GRM7: variants seen among roughly 807,000 people sequenced by gnomAD.
GRM7 encodes the protein glutamate metabotropic receptor 7.
Under a neutral mutation model 84.5 loss-of-function variants are expected in GRM7, and 35 were observed. The observed-to-expected ratio is 0.41, with a 90% CI of 0.32 to 0.55. The LOEUF (loss-of-function observed/expected upper bound fraction) is 0.55. Ranked by LOEUF, GRM7 falls within the 20% of genes least tolerant of loss-of-function variation. The pLI is 0.19. For missense variants in GRM7, 1,003 were observed against 1,194.6 expected (o/e 0.84, Z 2.36); for synonymous variants, 487 against 455.1 (o/e 1.07, Z -0.89).
chr3:7,585,034 A>G (rs1039349299), intron 8 of GRM7, among the ~76,000 whole-genome samples: 1 of 152,182 alleles, frequency 6.6e-6, no homozygotes, highest in Non-Finnish European at 1.5e-5. Context: ...ATTTTAAAAC[A>G]AAACTCCATA....
chr3:6,948,578 G>A (rs1285543888), intron 1 of GRM7, among the ~76,000 whole-genome samples: 1 of 152,118 alleles, frequency 6.6e-6, no homozygotes, highest in African/African-American at 2.4e-5. Flanking sequence ...GGTCCGCTTG[G>A]TGCAGAGCTG....
At chr3:7,524,376 G>C (rs1164366907) in intron 7 of GRM7, among the ~76,000 whole-genome samples, 2 of 131,258 alleles carry the variant, frequency 1.5e-5, no homozygotes, top group African/African-American at 6.3e-5. Flanking sequence ...CTGACAAAGG[G>C]CTAATATCCA....
At chr3:7,247,158 A>C (rs565098837) in intron 2 of GRM7, among the ~76,000 whole-genome samples, 32 of 152,312 alleles carry the variant, frequency 2.1e-4, no homozygotes, top group Non-Finnish European at 4.6e-4. Flanking sequence ...AATATTAATC[A>C]GTCATAATTA....
intron 8 of GRM7, among the ~76,000 whole-genome samples, chr3:7,586,203 CTA>C (rs1695509298): frequency 6.6e-6 from 1 of 152,172 alleles, no homozygotes; most frequent in Non-Finnish European, 1.5e-5. Flanking sequence ...TAAAGAACAA[CTA>C]GAACACTCAT....
intron 4 of GRM7, among the ~76,000 whole-genome samples, chr3:7,414,543 A>C (rs1000945609): frequency 2.0e-5 from 3 of 152,166 alleles, no homozygotes; most frequent in African/African-American, 7.2e-5. Context: ...GTCCCTGCTC[A>C]TCTGGACACT....
At chr3:7,137,059 A>T (rs1247893814) in intron 1 of GRM7, among the ~76,000 whole-genome samples, 3 of 152,140 alleles carry the variant, frequency 2.0e-5, no homozygotes, top group African/African-American at 7.2e-5. Flanking sequence ...TTTATTGGAT[A>T]TAACTTAACT....
intron 1 of GRM7, among the ~76,000 whole-genome samples, chr3:6,889,144 G>T (rs1388947408): frequency 1.3e-5 from 2 of 152,078 alleles, no homozygotes; most frequent in African/African-American, 4.8e-5. Flanking sequence ...GAGACAATGG[G>T]GTTTTCTAGA....
At chr3:6,895,145 C>T (rs17046291) in intron 1 of GRM7, among the ~76,000 whole-genome samples, 9,941 of 152,118 alleles carry the variant, frequency 0.065, 447 homozygotes, top group East Asian at 0.2. Flanking sequence ...GGAGACAGGA[C>T]GATTATTAAC....
chr3:7,467,780 A>G (rs1418441650), intron 7 of GRM7, among the ~76,000 whole-genome samples: 1 of 152,180 alleles, frequency 6.6e-6, no homozygotes, highest in African/African-American at 2.4e-5. Context: ...TTTCTTTACA[A>G]TCTTATTCAC....
intron 2 of GRM7, among the ~76,000 whole-genome samples, chr3:7,248,427 TGAG>T (rs1350002433): frequency 6.6e-6 from 1 of 152,146 alleles, no homozygotes; most frequent in African/African-American, 2.4e-5. Context: ...CTAATATGTA[TGAG>T]GAGTATCGGA....
At chr3:7,019,925 G>A (rs538666852) in intron 1 of GRM7, among the ~76,000 whole-genome samples, 226 of 152,220 alleles carry the variant, frequency 1.5e-3, no homozygotes, top group Non-Finnish European at 1.9e-3. Flanking sequence ...AAAAGACACC[G>A]GAAAAGATTT....
chr3:7,115,506 A>G (rs1693000826), intron 1 of GRM7, among the ~76,000 whole-genome samples: 1 of 152,170 alleles, frequency 6.6e-6, no homozygotes, highest in South Asian at 2.1e-4. Context: ...TAGATGCTAT[A>G]GGAATATTGA....
chr3:6,967,464 G>C (rs902734918), intron 1 of GRM7, among the ~76,000 whole-genome samples: 1 of 152,268 alleles, frequency 6.6e-6, no homozygotes, highest in Middle Eastern at 3.4e-3. Context: ...CAAAGTGTTG[G>C]GATTACAGGC....
In GRM7 at chr3:7,727,932, G is replaced by T. The variant is rs954848378; in HGVS notation, c.2699-12425G>T. Among the ~76,000 whole-genome samples the T allele has an allele frequency of 2.6e-5, 4 of 152,190 alleles. No homozygotes were observed. In the South Asian group the frequency reaches 6.2e-4, roughly 24 times the overall value. ...CTGCAGCTCTGCGATTCTGTCTTTTGCCTGTCAGGCTAAGCCTAGTTGGAT... is the reference window on the plus strand; with the variant it reads ...CTGCAGCTCTGCGATTCTGTCTTTTTCCTGTCAGGCTAAGCCTAGTTGGAT... On this transcript the variant is annotated intron_variant, in intron 9 of 9. Coordinates refer to ENST00000357716, the MANE Select transcript of GRM7 (RefSeq NM_000844.4).
chr3:7,588,006 A>G (rs1373899642), intron 8 of GRM7, among the ~76,000 whole-genome samples: 1 of 152,130 alleles, frequency 6.6e-6, no homozygotes, highest in Non-Finnish European at 1.5e-5. Context: ...AAACTTGAAC[A>G]CTAGCTTCAG....
chr3:7,482,120 G>A (rs1448155133), intron 7 of GRM7, among the ~76,000 whole-genome samples: 1 of 152,124 alleles, frequency 6.6e-6, no homozygotes, highest in Admixed American at 6.5e-5. Flanking sequence ...CCCAGGAGGC[G>A]GAGGTTGCAG....
intron 8 of GRM7, among the ~76,000 whole-genome samples, chr3:7,616,680 A>T (rs1031268474): frequency 4.6e-5 from 7 of 152,112 alleles, no homozygotes; most frequent in African/African-American, 1.4e-4. Context: ...TTTATAATAA[A>T]CTTCTTAAAA....
At chr3:7,135,147 G>C (rs1693731137) in intron 1 of GRM7, among the ~76,000 whole-genome samples, 1 of 152,172 alleles carries the variant, frequency 6.6e-6, no homozygotes, top group African/African-American at 2.4e-5. Context: ...TCTCTCAGTA[G>C]TTTGGAATAA....
intron 8 of GRM7, among the ~76,000 whole-genome samples, chr3:7,609,962 A>C (rs1281793343): frequency 6.6e-6 from 1 of 152,094 alleles, no homozygotes; most frequent in Non-Finnish European, 1.5e-5. Context: ...ATAGATTCCC[A>C]AGGTTTTGCT....
Sources: gnomAD v4.1 joint callset for allele counts (sites outside exome capture counted in the v4.1 genomes callset) on GRCh38, gnomAD v4.1.1 for gene constraint, MANE v1.5 for transcripts, NCBI Gene and HGNC (gene_info 2026-07-23, HGNC 2026-07-21) for gene names.